ANKS1B: variants seen among roughly 807,000 people sequenced by gnomAD.
ANKS1B encodes ankyrin repeat and sterile alpha motif domain-containing protein 1B.
ANKS1B carries 36 observed loss-of-function variants against 148.3 expected under a neutral mutation model. The observed-to-expected ratio is 0.24, with a 90% CI of 0.19 to 0.32. The LOEUF is 0.32. ANKS1B is among the 10% of genes least tolerant of loss of function. The probability of loss-of-function intolerance (pLI) is 1.00; values close to 1 mark genes in which losing one functional copy is unlikely to be tolerated. For synonymous variants in ANKS1B, 542 were observed against 560.8 expected (o/e 0.97, Z 0.47); for missense variants, 1,157 against 1,542.6 (o/e 0.75, Z 4.19).
At chr12:99,031,434 G>T (rs1431047645) in intron 17 of ANKS1B, among the ~76,000 whole-genome samples, 4 of 152,094 alleles carry the variant, frequency 2.6e-5, no homozygotes, top group Non-Finnish European at 5.9e-5. Context: ...TCTCTTGCTT[G>T]TTTTCTCCTG....
chr12:98,912,376 C>G (rs2099788023), intron 17 of ANKS1B, among the ~76,000 whole-genome samples: 1 of 152,154 alleles, frequency 6.6e-6, no homozygotes, highest in African/African-American at 2.4e-5. Context: ...TGTAAGCTTC[C>G]TCTCTTTCCA....
intron 12 of ANKS1B, among the ~76,000 whole-genome samples, chr12:99,282,642 C>G (rs946761960): frequency 1.3e-5 from 2 of 151,900 alleles, no homozygotes; most frequent in Admixed American, 6.6e-5. Context: ...GTTCTATGAA[C>G]GTAGAACTAA....
At chr12:99,101,136 T>C (rs984252997) in intron 15 of ANKS1B, among the ~76,000 whole-genome samples, 1 of 152,160 alleles carries the variant, frequency 6.6e-6, no homozygotes, top group African/African-American at 2.4e-5. Context: ...AGAGACCAGG[T>C]AGCCAGCCTT....
chr12:99,612,834 C>G (rs754151042), intron 9 of ANKS1B, among the ~76,000 whole-genome samples: 1 of 152,068 alleles, frequency 6.6e-6, no homozygotes, highest in Non-Finnish European at 1.5e-5. Flanking sequence ...ACTTCTCTAG[C>G]CTTTCTTGAG....
intron 9 of ANKS1B, among the ~76,000 whole-genome samples, chr12:99,627,098 A>G (rs2098118134): frequency 6.6e-6 from 1 of 152,198 alleles, no homozygotes; most frequent in Non-Finnish European, 1.5e-5. Context: ...CACAGACTCA[A>G]AGCAAGAAAT....
At chr12:99,063,080 C>G (rs1233751871) in intron 16 of ANKS1B, among the ~76,000 whole-genome samples, 1 of 152,090 alleles carries the variant, frequency 6.6e-6, no homozygotes, top group Non-Finnish European at 1.5e-5. Flanking sequence ...AACACAGCAA[C>G]CTATCATTTA....
At chr12:99,276,490 A>G (rs1054893666) in intron 12 of ANKS1B, among the ~76,000 whole-genome samples, 4 of 152,230 alleles carry the variant, frequency 2.6e-5, no homozygotes, top group Non-Finnish European at 4.4e-5. Flanking sequence ...GTGTTTACAC[A>G]GAGTGGAGGG....
intron 17 of ANKS1B, among the ~76,000 whole-genome samples, chr12:98,898,554 C>T (rs562487082): frequency 9.8e-4 from 149 of 152,222 alleles, no homozygotes; most frequent in Non-Finnish European, 2.0e-3. Context: ...AGGCGTAAAA[C>T]CATGAATTCT....
chr12:99,715,959 T>G (rs769407180), intron 8 of ANKS1B, among the ~76,000 whole-genome samples: 2 of 152,184 alleles, frequency 1.3e-5, no homozygotes, highest in African/African-American at 2.4e-5. Context: ...CCTTCATGTT[T>G]AATCATTGCA....
intron 14 of ANKS1B, among the ~76,000 whole-genome samples, chr12:99,160,529 T>G (rs1018670430): frequency 2.7e-5 from 4 of 149,726 alleles, no homozygotes; most frequent in Admixed American, 1.3e-4. Flanking sequence ...TTTGTATTTT[T>G]AGTAGAGATG....
chr12:99,417,836 T>A (rs1185610686), intron 11 of ANKS1B, among the ~76,000 whole-genome samples: 2 of 152,072 alleles, frequency 1.3e-5, no homozygotes, highest in African/African-American at 2.4e-5. Flanking sequence ...CAGCAAGAAG[T>A]AAGAAACATA....
chr12:99,451,155 A>C (rs2095727248), intron 10 of ANKS1B, among the ~76,000 whole-genome samples: 1 of 152,238 alleles, frequency 6.6e-6, no homozygotes, highest in African/African-American at 2.4e-5. Flanking sequence ...TTGAAATAAG[A>C]GGACTATCTT....
intron 10 of ANKS1B, among the ~76,000 whole-genome samples, chr12:99,499,058 C>A (rs2096630983): frequency 6.6e-6 from 1 of 152,138 alleles, no homozygotes; most frequent in Non-Finnish European, 1.5e-5. Flanking sequence ...CCTTACCTAA[C>A]CAGAAAAGAA....
In ANKS1B at chr12:99,244,330, AG is replaced by A. The variant is rs1566720771; in HGVS notation, c.2419+11del. The A allele has an allele frequency of 6.3e-7, 1 of 1,584,852 alleles. No homozygotes were observed. The highest frequency in any genetic ancestry group is 2.3e-5 in the East Asian group (1 of 44,332). ...CATTTATTCATTATAATGTAGAGGA[AG>A]GTTGCCTTACTTGTGGTCTCACCAT... On this transcript the variant is annotated intron_variant, in intron 14 of 26. Transcript: ENST00000683438.
chr12:99,369,803 C>T (rs1351585145), intron 12 of ANKS1B, among the ~76,000 whole-genome samples: 21 of 138,440 alleles, frequency 1.5e-4, no homozygotes, highest in East Asian at 4.4e-4. Context: ...GACGGACGGA[C>T]AGACGGACGG....
Position 99,124,348 on chromosome 12 carries a change from A to G in ANKS1B, c.2526+29941T>C, listed in dbSNP as rs144327020. On this transcript the variant is annotated intron_variant, in intron 15 of 26. Coordinates refer to ENST00000683438, the MANE Select transcript of ANKS1B (RefSeq NM_001352186.2). The stretch of plus-strand genomic sequence containing the variant: ...TGAAGTTTTTCTCTTGAGCACTAGA[A>G]AAATGAAGACAGCATTTCCGCCCTG... Among the ~76,000 whole-genome samples the G allele has an allele frequency of 3.7e-3, 568 of 151,970 alleles. 4 individuals are homozygous for G. The highest frequency in any genetic ancestry group is 0.013 in the African/African-American group (551 of 41,296).
intron 14 of ANKS1B, among the ~76,000 whole-genome samples, chr12:99,233,766 G>A (rs1184174225): frequency 1.3e-5 from 2 of 151,984 alleles, no homozygotes; most frequent in Non-Finnish European, 2.9e-5. Flanking sequence ...AAATTGGGGT[G>A]GTAGGAAAAA....
At chr12:98,902,600 C>T (rs2099773612) in intron 17 of ANKS1B, among the ~76,000 whole-genome samples, 1 of 152,156 alleles carries the variant, frequency 6.6e-6, no homozygotes. Context: ...TCCATGGACT[C>T]CGACCGTGGT....
intron 1 of ANKS1B, among the ~76,000 whole-genome samples, chr12:99,926,811 TTCTCC>T (rs2094488791): frequency 6.6e-6 from 1 of 152,214 alleles, no homozygotes; most frequent in African/African-American, 2.4e-5. Context: ...ACCTTTCCCT[TTCTCC>T]TCTCATTTCA....
Sources: gnomAD v4.1 joint callset for allele counts (sites outside exome capture counted in the v4.1 genomes callset) on GRCh38, gnomAD v4.1.1 for gene constraint, MANE v1.5 for transcripts, NCBI Gene and HGNC (gene_info 2026-07-23, HGNC 2026-07-21) for gene names.